ERMARD: variants seen among roughly 807,000 people sequenced by gnomAD.
The protein encoded by ERMARD is endoplasmic reticulum membrane-associated RNA degradation protein.
In ERMARD, 71 loss-of-function variants were observed where a neutral mutation model predicts 83.9. That is an observed-to-expected ratio of 0.85 (90% CI 0.70 to 1.03). The LOEUF is 1.03. Ranked by LOEUF, ERMARD falls within the 50% of genes least tolerant of loss-of-function variation. The probability of loss-of-function intolerance (pLI) is 0.00; values close to 1 mark genes in which losing one functional copy is unlikely to be tolerated. For synonymous variants in ERMARD, 284 were observed against 298.6 expected (o/e 0.95, Z 0.50); for missense variants, 838 against 810.9 (o/e 1.03, Z -0.41).
Position 169,773,401 on chromosome 6 carries a change from AG to A in ERMARD, c.1317+1del. On this transcript the variant is annotated frameshift_variant and splice_region_variant, in exon 13 of 18. Coordinates refer to ENST00000366773, the MANE Select transcript of ERMARD (RefSeq NM_018341.3). LOFTEE classifies it high-confidence loss of function. The stretch of plus-strand genomic sequence containing the variant: ...CATCCGGTTTTTCAGCTTAAAAAAC[AG>A]GTATGCCAAATGCAGGGTCCCGGGA... ...RCHPVFQLKK[Q>X]VLSCEESIRV... is the part of the protein sequence containing the mutation. The A allele has an allele frequency of 1.9e-6, 3 of 1,614,124 alleles. No homozygotes were observed. The highest frequency in any genetic ancestry group is 2.5e-6 in the Non-Finnish European group (3 of 1,179,962).
At chr6:169,752,687 C>T (rs191478909) in intron 1 of ERMARD, among the ~76,000 whole-genome samples, 1 of 152,168 alleles carries the variant, frequency 6.6e-6, no homozygotes, top group Non-Finnish European at 1.5e-5. Flanking sequence ...CACAGCCCCC[C>T]CTTAACTCAA....
At position 169,756,763 on chromosome 6, in the gene ERMARD, T is replaced by C. The variant is rs1563010316; in HGVS notation, c.462T>C (p.Asp154=). 6.2e-7 allele frequency: 1 copy of C among 1,614,136 alleles called. No homozygotes were observed. Among genetic ancestry groups the C allele is most frequent in the Non-Finnish European group, 8.5e-7 (1 of 1,180,038 alleles). The change falls in exon 5 of 18, where the codon GAT becomes GAC. Residue 154 remains aspartate (D), a synonymous_variant. Coordinates refer to ENST00000366773, the MANE Select transcript of ERMARD (RefSeq NM_018341.3). ...IGKECPFLLR[D]LLSSEELAQV... ...AGGAATGCCCCTTTCTTTTAAGAGATCTGCTTTCATCTGAGGAGCTTGCTC... is the reference window on the plus strand; with the variant it reads ...AGGAATGCCCCTTTCTTTTAAGAGACCTGCTTTCATCTGAGGAGCTTGCTC...
rs1193961517 is a variant in ERMARD at position 169,756,337 on chromosome 6, G to A, written c.316-1G>A. 1.9e-6 allele frequency: 3 copies of A among 1,582,532 alleles called. No homozygotes were observed. Among genetic ancestry groups the A allele is most frequent in the East Asian group, 2.2e-5 (1 of 44,484 alleles). ...CCTAATATGTGTTTTATTGTAAATAGTTATTTCCTGAAATATTTGATGCCT... is the reference window on the plus strand; with the variant it reads ...CCTAATATGTGTTTTATTGTAAATAATTATTTCCTGAAATATTTGATGCCT... On this transcript the variant is annotated splice_acceptor_variant, in intron 3 of 17. Transcript: ENST00000366773. LOFTEE classifies it high-confidence loss of function.
Position 169,775,356 on chromosome 6 carries a change from A to G in ERMARD, c.1394+10A>G. On this transcript the variant is annotated intron_variant, in intron 14 of 17. Coordinates refer to ENST00000366773, the MANE Select transcript of ERMARD (RefSeq NM_018341.3). ...CTCGGCAAGCCGTCAGGTGCGTGGC[A>G]TCCTGGGGCCTGGCTGACCTCAAGC... 6.2e-7 allele frequency: 1 copy of G among 1,613,980 alleles called. No homozygotes were observed. The highest frequency in any genetic ancestry group is 8.5e-7 in the Non-Finnish European group (1 of 1,179,894).
intron 12 of ERMARD, chr6:169,770,927 T>C (rs1434244456): frequency 1.3e-5 from 2 of 152,272 alleles, no homozygotes; most frequent in South Asian, 2.1e-4. Context: ...TGTGTACATA[T>C]TGCTTTGTTA....
Position 169,769,518 on chromosome 6 carries a change from TTC to T in ERMARD, c.1060-18_1060-17del, listed in dbSNP as rs1361466340. ...CTGCTGCGGATACTAACAAAATATT[TTC>T]TCTGTTTAATTTCTGAAAGGAATTT... On this transcript the variant is annotated intron_variant, in intron 11 of 17. Coordinates refer to ENST00000366773, the MANE Select transcript of ERMARD (RefSeq NM_018341.3). 4 of 1,587,714 alleles carry T rather than the reference TTC, an allele frequency of 2.5e-6. No homozygotes were observed. The Admixed American group carries it at 7.2e-5, about 28-fold the overall frequency.
At chr6:169,759,446 G>A (rs192210382) in intron 6 of ERMARD, among the ~76,000 whole-genome samples, 25 of 151,952 alleles carry the variant, frequency 1.6e-4, no homozygotes, top group Admixed American at 5.9e-4. Context: ...TTGAGATAGA[G>A]TGTCACTCTG....
In ERMARD at chr6:169,774,877, C is replaced by T. The variant is rs928390074; in HGVS notation, c.1318-393C>T. Among the ~76,000 whole-genome samples the T allele has an allele frequency of 4.6e-5, 7 of 152,180 alleles. No homozygotes were observed. The East Asian group carries it at 7.7e-4, about 17-fold the overall frequency. ...GGTGACAGCTGCTGCACCTCGAGTG[C>T]GGCCTGAACTGGAGAGGCACCTGCA... On this transcript the variant is annotated intron_variant, in intron 13 of 17. Transcript: ENST00000366773.
rs80179662 is a variant in ERMARD, at chr6:169,753,541, CT to C, written c.7-311del. On this transcript the variant is annotated intron_variant, in intron 1 of 17. Coordinates refer to ENST00000366773, the MANE Select transcript of ERMARD (RefSeq NM_018341.3). ...CAGCTTCCGTGAACTTGTATTTTTT[CT>C]TTTTTTTTTTTAAGTGAAAGGCAAG... Among the ~76,000 whole-genome samples the C allele has an allele frequency of 3.8e-3, 541 of 141,316 alleles. 1 individual carries two copies. The highest frequency in any genetic ancestry group is 3.8e-3 in the African/African-American group (147 of 38,724). The allele number at this position is 141,316 out of a possible 152,430, so 92.7% of individuals were successfully genotyped here. A position where few individuals can be genotyped will look rare whatever the true frequency, so the allele number is the denominator to read the frequency against.
rs145096170 is a variant in ERMARD, at chr6:169,775,991, G to A, written c.1446G>A (p.Met482Ile). The change falls in exon 15 of 18, where the codon ATG (methionine) becomes ATA (isoleucine). Residue 482 changes from methionine (M) to isoleucine (I), a missense_variant. Transcript: ENST00000366773. ...CCTGCCACTCTTTGATTACAAAAAT[G>A]ACGGATGAGCTGTATCACCATATGC... ...TNACHSLITK[M>I]TDELYHHMPE... The A allele has an allele frequency of 1.1e-4, 180 of 1,614,074 alleles. No homozygotes were observed. The highest frequency in any genetic ancestry group is 1.3e-4 in the Non-Finnish European group (156 of 1,180,038).
At chr6:169,754,091 C>A in intron 2 of ERMARD, 59 bp downstream of exon 2, 1 of 1,486,694 alleles carries the variant, frequency 6.7e-7, no homozygotes, top group Non-Finnish European at 9.1e-7. Context: ...ATGTCTTGAC[C>A]TGTAAAATTC....
In ERMARD at chr6:169,776,683, C is replaced by T. The variant is rs772160202; in HGVS notation, c.1739+10C>T. 9.3e-6 allele frequency: 15 copies of T among 1,612,618 alleles called. No homozygotes were observed. Among genetic ancestry groups the T allele is most frequent in the Non-Finnish European group, 1.2e-5 (14 of 1,179,742 alleles). ...TGCGTATGTGGAGTAGGTGCGCGCT[C>T]ACTTTCCTGTTTTGGAGGGGCACTG... On this transcript the variant is annotated intron_variant, in intron 16 of 17. Coordinates refer to ENST00000366773, the MANE Select transcript of ERMARD (RefSeq NM_018341.3).
intron 4 of ERMARD, 103 bp from the exon 5 acceptor site, chr6:169,756,616 A>G: frequency 9.4e-7 from 1 of 1,066,118 alleles, no homozygotes; most frequent in South Asian, 1.4e-5. Context: ...GTGTCTAAGT[A>G]CTTTTCACCC....
At chr6:169,760,307 C>T (rs1791380619) in intron 7 of ERMARD, among the ~76,000 whole-genome samples, 1 of 152,202 alleles carries the variant, frequency 6.6e-6, no homozygotes. Context: ...TCTTTGTACT[C>T]ATGATCATTA....
rs1562350489 is a variant in ERMARD, at chr6:169,776,508, G to T, written c.1574G>T (p.Cys525Phe). The T allele has an allele frequency of 3.7e-6, 6 of 1,614,144 alleles. No homozygotes were observed. Among genetic ancestry groups the T allele is most frequent in the Non-Finnish European group, 3.4e-6 (4 of 1,180,030 alleles). The change falls in exon 16 of 18, where the codon TGC (cysteine) becomes TTC (phenylalanine). Residue 525 changes from cysteine to phenylalanine, a missense_variant. Physicochemically the swap from Cys to Phe is radical, Grantham distance 205. Coordinates refer to ENST00000366773, the MANE Select transcript of ERMARD (RefSeq NM_018341.3). The part of the protein sequence containing the change: ...LCSTPVPTLF[C>F]PRIVLEVLVV... ...AGCACACCTGTTCCCACCCTGTTCT[G>T]CCCCAGGATTGTGCTGGAAGTGCTG...
chr6:169,751,755 G>A (rs1790130827), intron 1 of ERMARD, 92 bp downstream of exon 1: 2 of 1,433,620 alleles, frequency 1.4e-6, no homozygotes, highest in Non-Finnish European at 9.1e-7. Flanking sequence ...GTGGGCGAGC[G>A]AGCACGCGCC....
In ERMARD at chr6:169,779,304, G is replaced by A. The variant is rs373592391; in HGVS notation, c.1853+9G>A. 1.9e-6 allele frequency: 3 copies of A among 1,608,458 alleles called. No homozygotes were observed. In the African/African-American group the frequency reaches 4.0e-5, roughly 22 times the overall value. On this transcript the variant is annotated intron_variant, in intron 17 of 17. Transcript: ENST00000366773. ...TATCAGCAGTACCTAAAGTAAGTGT[G>A]TCACAGTATGTCTGCAGTCACATTG...
Position 169,756,826 on chromosome 6 carries a change from A to T in ERMARD, c.507+18A>T. ...AGTCTGTGGTAAGCTTGTTCATCTA[A>T]ACTCATGGAGTATATTAGTCCGTTT... On this transcript the variant is annotated intron_variant, in intron 5 of 17. Transcript: ENST00000366773. The T allele has an allele frequency of 6.2e-7, 1 of 1,607,706 alleles. No individual in the cohort carries two copies.
chr6:169,766,585 T>A (rs889509489), intron 9 of ERMARD, 53 bp from the exon 10 acceptor site: 7 of 1,463,100 alleles, frequency 4.8e-6, no homozygotes, highest in Non-Finnish European at 6.5e-6. Flanking sequence ...ATAGTGTTAG[T>A]GTATTTGTAT....
Sources: gnomAD v4.1 joint callset for allele counts (sites outside exome capture counted in the v4.1 genomes callset) on GRCh38, gnomAD v4.1.1 for gene constraint, MANE v1.5 for transcripts, NCBI Gene and HGNC (gene_info 2026-07-23, HGNC 2026-07-21) for gene names.